The following CDH4 variants were observed in gnomAD, a reference collection of about 807,000 sequenced individuals.
CDH4 encodes cadherin 4.
Under a neutral mutation model 86.0 loss-of-function variants are expected in CDH4, and 33 were observed. The ratio of observed to expected loss-of-function variants is 0.38; its 90% CI spans 0.29 to 0.51. CDH4 has a LOEUF of 0.51. CDH4 is among the 20% of genes least tolerant of loss of function. The probability of loss-of-function intolerance (pLI) is 0.86; values close to 1 mark genes in which losing one functional copy is unlikely to be tolerated. For missense variants in CDH4, 1,114 were observed against 1,307.4 expected, an observed-to-expected ratio of 0.85 and a Z score of 2.28; for synonymous variants, 555 against 549.4, an observed-to-expected ratio of 1.01 and a Z score of -0.14.
At chr20:61,768,887 A>G (rs1158134523) in intron 3 of CDH4, among the ~76,000 whole-genome samples, 1 of 152,248 alleles carries the variant, frequency 6.6e-6, no homozygotes, top group Admixed American at 6.5e-5. Context: ...AAGCAAATGA[A>G]AATGAAGGAT....
At chr20:61,750,020 C>T (rs929973678) in intron 3 of CDH4, among the ~76,000 whole-genome samples, 2 of 152,046 alleles carry the variant, frequency 1.3e-5, no homozygotes, top group East Asian at 3.9e-4. Flanking sequence ...GAGATTGCAC[C>T]ACTGCACTCT....
intron 2 of CDH4, among the ~76,000 whole-genome samples, chr20:61,315,342 G>A (rs138350263): frequency 6.6e-6 from 1 of 152,160 alleles, no homozygotes; most frequent in Non-Finnish European, 1.5e-5. Flanking sequence ...AGAGAAACTG[G>A]GGGACATTGA....
chr20:61,684,544 C>T lies in CDH4; in HGVS notation c.170-59019C>T, dbSNP rs556892455. 6.6e-6 allele frequency among the ~76,000 whole-genome samples: 1 copy of T among 152,340 alleles called. No homozygotes were observed. The highest frequency in any genetic ancestry group is 2.4e-5 in the African/African-American group (1 of 41,568). On this transcript the variant is annotated intron_variant, in intron 2 of 15. Transcript: ENST00000614565. The surrounding 1 kb of genome is among the most constrained non-coding windows in gnomAD (Gnocchi z 4.5). ...CATATCACACACAAGGTCCAGCCCCCTGTGTTGTTCTGCAGCTGGGAATCC... is the reference window on the plus strand; with the variant it reads ...CATATCACACACAAGGTCCAGCCCCTTGTGTTGTTCTGCAGCTGGGAATCC...
Position 61,939,285 on chromosome 20 carries a change from G to A in CDH4, c.*2342G>A, listed in dbSNP as rs897578598. The A allele has an allele frequency of 6.6e-6, 1 of 152,260 alleles. No individual in the cohort carries two copies. Among genetic ancestry groups the A allele is most frequent in the African/African-American group, 2.4e-5 (1 of 41,446 alleles). 9.4% of individuals were successfully genotyped at this position (152,260 alleles called of 1,614,324 possible). A position where few individuals can be genotyped will look rare whatever the true frequency, so the allele number is the denominator to read the frequency against. On this transcript the variant is annotated 3_prime_UTR_variant, in exon 16 of 16. Coordinates refer to ENST00000614565, the MANE Select transcript of CDH4 (RefSeq NM_001794.5). The stretch of plus-strand genomic sequence containing the variant: ...TGATGTTCCCAGGACCCAGCACCAG[G>A]AGACCCCAGTCCCGCCAGCAGCCGC...
intron 2 of CDH4, among the ~76,000 whole-genome samples, chr20:61,523,307 G>T (rs1272461321): frequency 6.6e-6 from 1 of 152,228 alleles, no homozygotes. Context: ...CTGCCAGCGG[G>T]CCCACGCTGG....
At chr20:61,261,973 C>A (rs771951519) in intron 2 of CDH4, among the ~76,000 whole-genome samples, 4 of 152,200 alleles carry the variant, frequency 2.6e-5, no homozygotes, top group Non-Finnish European at 5.9e-5. Context: ...CAGAGCCGAG[C>A]TCTCTCTCGG....
intron 2 of CDH4, among the ~76,000 whole-genome samples, chr20:61,360,893 G>A (rs961350532): frequency 6.6e-5 from 10 of 152,162 alleles, no homozygotes; most frequent in Non-Finnish European, 1.0e-4. Context: ...AAAAGAAGAC[G>A]GACTGGTTAT....
chr20:61,883,655 G>A (rs1792770859), intron 7 of CDH4, among the ~76,000 whole-genome samples: 1 of 152,212 alleles, frequency 6.6e-6, no homozygotes, highest in Admixed American at 6.5e-5. Context: ...TCCACAGTCG[G>A]GTGTGACTGC....
chr20:61,540,362 GT>G (rs1225166403), intron 2 of CDH4, among the ~76,000 whole-genome samples: 1 of 152,174 alleles, frequency 6.6e-6, no homozygotes, highest in Non-Finnish European at 1.5e-5. Flanking sequence ...CTTGAAAACT[GT>G]TCATGACGGC....
intron 5 of CDH4, among the ~76,000 whole-genome samples, chr20:61,846,671 A>G (rs1982469492): frequency 6.6e-6 from 1 of 152,208 alleles, no homozygotes; most frequent in Non-Finnish European, 1.5e-5. Flanking sequence ...TCAGAGACAG[A>G]GACTTGATAC....
chr20:61,864,847 G>C (rs1983477050), intron 6 of CDH4, among the ~76,000 whole-genome samples: 1 of 152,180 alleles, frequency 6.6e-6, no homozygotes, highest in Non-Finnish European at 1.5e-5. Context: ...TGCAGCAGTT[G>C]TCCTGTTGCC....
chr20:61,806,427 AAC>A (rs1343016009), intron 4 of CDH4, among the ~76,000 whole-genome samples: 1 of 152,236 alleles, frequency 6.6e-6, no homozygotes, highest in African/African-American at 2.4e-5. Context: ...GGGCACCAGA[AAC>A]ACAGTTTGTG....
chr20:61,368,346 G>A (rs945249979), intron 2 of CDH4, among the ~76,000 whole-genome samples: 8 of 152,066 alleles, frequency 5.3e-5, no homozygotes, highest in Non-Finnish European at 8.8e-5. Context: ...GAATGGGATC[G>A]GTGCACTTAG....
intron 2 of CDH4, among the ~76,000 whole-genome samples, chr20:61,523,459 C>T (rs6061265): frequency 0.14 from 21,875 of 152,298 alleles, 1,646 homozygotes; most frequent in Middle Eastern, 0.17. Context: ...CATTTGCCTC[C>T]GTCATTCCCC....
At chr20:61,456,148 T>C (rs1334103554) in intron 2 of CDH4, among the ~76,000 whole-genome samples, 1 of 152,032 alleles carries the variant, frequency 6.6e-6, no homozygotes, top group Non-Finnish European at 1.5e-5. Context: ...GGTAGGTGGG[T>C]GGACAGGAGG....
intron 2 of CDH4, among the ~76,000 whole-genome samples, chr20:61,263,447 G>T (rs901988882): frequency 6.6e-6 from 1 of 152,160 alleles, no homozygotes; most frequent in African/African-American, 2.4e-5. Flanking sequence ...AGGAAGGAGG[G>T]GAGGAGCTGT....
chr20:61,322,647 C>T (rs2084514917), intron 2 of CDH4, among the ~76,000 whole-genome samples: 1 of 152,180 alleles, frequency 6.6e-6, no homozygotes, highest in Non-Finnish European at 1.5e-5. Context: ...AGAGCCCTTT[C>T]CAGGCAAGGC....
At chr20:61,724,758 A>G (rs1426551297) in intron 2 of CDH4, among the ~76,000 whole-genome samples, 1 of 152,058 alleles carries the variant, frequency 6.6e-6, no homozygotes, top group Non-Finnish European at 1.5e-5. Context: ...TGATTTGTAC[A>G]CCTGCAGTCA....
At chr20:61,626,031 A>C (rs1316076998) in intron 2 of CDH4, among the ~76,000 whole-genome samples, 1 of 152,196 alleles carries the variant, frequency 6.6e-6, no homozygotes, top group Non-Finnish European at 1.5e-5. Flanking sequence ...TGGGCCATTC[A>C]CTGCACAGCA....
Sources: gnomAD v4.1 joint callset for allele counts (sites outside exome capture counted in the v4.1 genomes callset) on GRCh38, gnomAD v4.1.1 for gene constraint, Gnocchi (gnomAD v3.1) non-coding constraint, MANE v1.5 for transcripts, NCBI Gene and HGNC (gene_info 2026-07-23, HGNC 2026-07-21) for gene names.